The following OPRM1 variants were observed in gnomAD, a reference collection of about 807,000 sequenced individuals.
OPRM1 encodes mu-type opioid receptor.
In OPRM1, 27 loss-of-function variants were observed where a neutral mutation model predicts 31.8. That is an observed-to-expected ratio of 0.85 (90% CI 0.63 to 1.17). The LOEUF (loss-of-function observed/expected upper bound fraction) is 1.17, where lower values mean the gene tolerates loss of function less well. Among genes scored for constraint, OPRM1 ranks in the 50% most tolerant of loss-of-function variants. OPRM1 has a pLI of 0.00. For synonymous variants in OPRM1, 196 were observed against 189.9 expected (o/e 1.03, Z -0.26); for missense variants, 536 against 511.1 (o/e 1.05, Z -0.47).
chr6:154,134,771 G>A (rs113140329), downstream of OPRM1, among the ~76,000 whole-genome samples: 47 of 152,022 alleles, frequency 3.1e-4, no homozygotes, highest in African/African-American at 1.0e-3. Context: ...GCTGAGCAGC[G>A]AATTTAAAAT....
chr6:154,227,052 G>T (rs1779307152), intron 3 of OPRM1, among the ~76,000 whole-genome samples: 1 of 152,090 alleles, frequency 6.6e-6, no homozygotes, highest in South Asian at 2.1e-4. Flanking sequence ...ACAAAAATTA[G>T]CCAGGTGTGG....
chr6:154,062,004 G>A (rs1784525625), intron 1 of OPRM1, among the ~76,000 whole-genome samples: 1 of 152,066 alleles, frequency 6.6e-6, no homozygotes, highest in Non-Finnish European at 1.5e-5. Flanking sequence ...TCTTTAGCTA[G>A]GAAAAGTGTG....
At chr6:154,012,929 A>G (rs773977006) in intron 1 of OPRM1, among the ~76,000 whole-genome samples, 13 of 152,102 alleles carry the variant, frequency 8.5e-5, no homozygotes, top group Non-Finnish European at 1.6e-4. Flanking sequence ...TCATCCCATC[A>G]TAAGAGCTCC....
At chr6:154,015,606 C>A (rs756592903) in intron 1 of OPRM1, among the ~76,000 whole-genome samples, 1 of 151,752 alleles carries the variant, frequency 6.6e-6, no homozygotes, top group Admixed American at 6.6e-5. Flanking sequence ...AAAACTGCCA[C>A]GCTACTACTC....
chr6:154,222,710 G>A (rs755980717), intron 3 of OPRM1, among the ~76,000 whole-genome samples: 7 of 152,214 alleles, frequency 4.6e-5, no homozygotes, highest in African/African-American at 7.2e-5. Context: ...AGATCAGAGT[G>A]TAATCTCCAA....
intron 3 of OPRM1, among the ~76,000 whole-genome samples, chr6:154,118,084 C>T (rs1374654436): frequency 6.6e-6 from 1 of 152,144 alleles, no homozygotes; most frequent in Non-Finnish European, 1.5e-5. Context: ...TCTGTTTCCA[C>T]AGTCCTCTTT....
At position 154,062,478 on chromosome 6, in the gene OPRM1, G is replaced by C. The variant is rs147873865; in HGVS notation, c.290+22644G>C. ...ACTTCTTTGCTTTGCCAAATTACTG[G>C]TTTATTCATGAATCATATTTTCTCC... On this transcript the variant is annotated intron_variant, in intron 1 of 3. Coordinates refer to ENST00000330432, the MANE Select transcript of OPRM1 (RefSeq NM_000914.5). Among the ~76,000 whole-genome samples the C allele has an allele frequency of 3.0e-3, 455 of 151,890 alleles. 4 individuals are homozygous for C. Among genetic ancestry groups the C allele is most frequent in the African/African-American group, 0.01 (423 of 41,466 alleles).
At chr6:154,055,282 G>C (rs774184843) in intron 1 of OPRM1, among the ~76,000 whole-genome samples, 2 of 152,140 alleles carry the variant, frequency 1.3e-5, no homozygotes, top group Non-Finnish European at 1.5e-5. Context: ...CAGCTACTTG[G>C]GAGGCTGAGG....
chr6:154,112,107 G>A (rs1388625511), intron 3 of OPRM1, among the ~76,000 whole-genome samples: 1 of 152,228 alleles, frequency 6.6e-6, no homozygotes, highest in South Asian at 2.1e-4. Context: ...ATAGAAAACC[G>A]ACAGCAGAGA....
At chr6:154,162,056 C>T (rs1158696865) in intron 3 of OPRM1, among the ~76,000 whole-genome samples, 1 of 152,192 alleles carries the variant, frequency 6.6e-6, no homozygotes, top group Non-Finnish European at 1.5e-5. Context: ...TCCCAAGTTC[C>T]TATTGCCCAC....
chr6:154,226,714 G>C (rs1779281496), intron 3 of OPRM1, among the ~76,000 whole-genome samples: 1 of 152,068 alleles, frequency 6.6e-6, no homozygotes, highest in Non-Finnish European at 1.5e-5. Flanking sequence ...TTTACATCAT[G>C]AACATTCTTC....
chr6:154,050,079 A>G (rs188856775), intron 1 of OPRM1, among the ~76,000 whole-genome samples: 19 of 152,270 alleles, frequency 1.2e-4, no homozygotes, highest in African/African-American at 4.1e-4. Flanking sequence ...TAGGAATAGT[A>G]TTAGTTCTTC....
intron 2 of OPRM1, 29 bp downstream of exon 2, chr6:154,090,207 G>A: frequency 6.7e-7 from 1 of 1,493,314 alleles, no homozygotes. Flanking sequence ...CTGAGGGAAG[G>A]AGGGTTCACA....
At chr6:154,107,580 T>C (rs1042753464) in intron 3 of OPRM1, 4 of 718,456 alleles carry the variant, frequency 5.6e-6, no homozygotes, top group African/African-American at 5.2e-5. Context: ...AATTTTGAGT[T>C]TGCAAAGGCT....
At chr6:154,237,858 CTA>C (rs1282123311) in intron 3 of OPRM1, among the ~76,000 whole-genome samples, 1 of 148,272 alleles carries the variant, frequency 6.7e-6, no homozygotes, top group East Asian at 1.9e-4. Context: ...ACATACATAT[CTA>C]TATATGTGTC....
At chr6:154,019,403 T>C (rs564935496) in intron 1 of OPRM1, among the ~76,000 whole-genome samples, 2 of 152,260 alleles carry the variant, frequency 1.3e-5, no homozygotes, top group Non-Finnish European at 2.9e-5. Context: ...CATATTATTA[T>C]CACCCAAAGT....
upstream of OPRM1, chr6:154,038,984 G>A (rs1041838525): frequency 2.3e-5 from 15 of 665,036 alleles, no homozygotes; most frequent in Admixed American, 3.3e-4. Flanking sequence ...GGATGGAAGA[G>A]CATTGGGGTT....
At chr6:154,207,240 G>A (rs941936206) in intron 3 of OPRM1, among the ~76,000 whole-genome samples, 1 of 152,230 alleles carries the variant, frequency 6.6e-6, no homozygotes, top group African/African-American at 2.4e-5. Context: ...AAGATGAGCT[G>A]TTAAAGCCAG....
upstream of OPRM1, chr6:154,039,105 A>ACCAAAGAC: frequency 6.7e-7 from 1 of 1,499,692 alleles, no homozygotes; most frequent in Non-Finnish European, 8.9e-7. Flanking sequence ...TTTCACTGCT[A>ACCAAAGAC]CCAAAGACTA....
Sources: gnomAD v4.1 joint callset for allele counts (sites outside exome capture counted in the v4.1 genomes callset) on GRCh38, gnomAD v4.1.1 for gene constraint, MANE v1.5 for transcripts, NCBI Gene and HGNC (gene_info 2026-07-23, HGNC 2026-07-21) for gene names.